The following PBX3 variants were observed in gnomAD, a reference collection of about 807,000 sequenced individuals.
PBX3 encodes pre-B-cell leukemia transcription factor 3.
A neutral mutation model predicts 48.5 loss-of-function variants in PBX3; 14 were observed. The observed-to-expected ratio is 0.29, with a 90% CI of 0.19 to 0.45. PBX3 has a LOEUF of 0.45. Ranked by LOEUF, PBX3 falls within the 20% of genes least tolerant of loss-of-function variation. The probability of loss-of-function intolerance (pLI) is 1.00; values close to 1 mark genes in which losing one functional copy is unlikely to be tolerated. For missense variants in PBX3, 386 were observed against 546.7 expected, an observed-to-expected ratio of 0.71 and a Z score of 2.93; for synonymous variants, 210 against 200.3, an observed-to-expected ratio of 1.05 and a Z score of -0.41.
At chr9:125,915,539 G>A (rs1031399462) in intron 2 of PBX3, 147 bp from the exon 3 acceptor site, 6 of 620,450 alleles carry the variant, frequency 9.7e-6, no homozygotes, top group South Asian at 4.3e-5. Context: ...CAAACTTACC[G>A]ATCAAATGTG....
At chr9:125,796,374 G>T (rs1837779158) in intron 2 of PBX3, among the ~76,000 whole-genome samples, 1 of 152,142 alleles carries the variant, frequency 6.6e-6, no homozygotes, top group South Asian at 2.1e-4. Context: ...TACTACCTCA[G>T]GGGTAGTGCA....
intron 2 of PBX3, among the ~76,000 whole-genome samples, chr9:125,807,348 A>AG (rs1491089702): frequency 6.9e-6 from 1 of 145,396 alleles, no homozygotes; most frequent in Admixed American, 7.0e-5. Flanking sequence ...AAAAAAAAAA[A>AG]GAAAATATTA....
intron 2 of PBX3, among the ~76,000 whole-genome samples, chr9:125,909,537 A>G (rs964453657): frequency 2.6e-5 from 4 of 152,276 alleles, no homozygotes; most frequent in Middle Eastern, 6.8e-3. Flanking sequence ...AAAGTATTCT[A>G]CTATTTCTGG....
chr9:125,830,693 A>G (rs1462443193), intron 2 of PBX3, among the ~76,000 whole-genome samples: 7 of 152,156 alleles, frequency 4.6e-5, no homozygotes, highest in Non-Finnish European at 8.8e-5. Context: ...CATTTTGTCT[A>G]TTATCTCATT....
At chr9:125,764,297 CAG>C (rs766315361) in intron 2 of PBX3, among the ~76,000 whole-genome samples, 1 of 152,208 alleles carries the variant, frequency 6.6e-6, no homozygotes. Context: ...CCTGAAATAA[CAG>C]AACTGTACTT....
chr9:125,803,120 G>C (rs1387170618), intron 2 of PBX3, among the ~76,000 whole-genome samples: 2 of 129,290 alleles, frequency 1.5e-5, no homozygotes. Flanking sequence ...TTGAGTCAGA[G>C]TCTCGCTGTG....
intron 2 of PBX3, 137 bp downstream of exon 2, chr9:125,748,760 C>T: frequency 1.7e-6 from 1 of 600,246 alleles, no homozygotes; most frequent in South Asian, 2.0e-5. Context: ...ACGTCCTGAT[C>T]TTGAGAAAAA....
intron 2 of PBX3, among the ~76,000 whole-genome samples, chr9:125,871,337 C>T (rs960624460): frequency 2.0e-5 from 3 of 149,292 alleles, no homozygotes; most frequent in African/African-American, 2.5e-5. Context: ...GCTGAAATTG[C>T]GCCACTGCAC....
At chr9:125,803,276 CG>C (rs1838023106) in intron 2 of PBX3, among the ~76,000 whole-genome samples, 1 of 151,312 alleles carries the variant, frequency 6.6e-6, no homozygotes, top group South Asian at 2.1e-4. Context: ...TTAGTAGAGA[CG>C]GGGTTTCATC....
At chr9:125,841,677 C>G (rs951899712) in intron 2 of PBX3, among the ~76,000 whole-genome samples, 4 of 152,122 alleles carry the variant, frequency 2.6e-5, no homozygotes, top group African/African-American at 9.7e-5. Flanking sequence ...TGCAATGCCT[C>G]TAGTACATAG....
In PBX3 at chr9:125,967,053, A is replaced by G. The variant is rs998120063; in HGVS notation, c.*1130A>G. ...AAAACTGTTGTAAATACTGAGAAACATTTTGAATGTTCTTCATCTTATTAC... is the reference window on the plus strand; with the variant it reads ...AAAACTGTTGTAAATACTGAGAAACGTTTTGAATGTTCTTCATCTTATTAC... On this transcript the variant is annotated 3_prime_UTR_variant, in exon 9 of 9. Transcript: ENST00000373489. The G allele has an allele frequency of 2.6e-4, 39 of 151,350 alleles. No individual in the cohort carries two copies. The highest frequency in any genetic ancestry group is 9.3e-4 in the African/African-American group (38 of 40,938). 9.4% of individuals were successfully genotyped at this position (151,350 alleles called of 1,614,324 possible). A position where few individuals can be genotyped will look rare whatever the true frequency, so the allele number is the denominator to read the frequency against.
chr9:125,798,184 A>G (rs1390060673), intron 2 of PBX3, among the ~76,000 whole-genome samples: 6 of 152,160 alleles, frequency 3.9e-5, no homozygotes, highest in Non-Finnish European at 2.9e-5. Context: ...AGTTCACAGT[A>G]ATTCTCAGAT....
intron 2 of PBX3, among the ~76,000 whole-genome samples, chr9:125,814,171 A>G: frequency 6.8e-6 from 1 of 147,212 alleles, no homozygotes; most frequent in South Asian, 2.2e-4. Flanking sequence ...TCAAAAAAAA[A>G]AAAAAAAAGT....
At chr9:125,815,183 G>T (rs935958947) in intron 2 of PBX3, among the ~76,000 whole-genome samples, 1 of 152,068 alleles carries the variant, frequency 6.6e-6, no homozygotes, top group African/African-American at 2.4e-5. Context: ...ATTTTGAAAA[G>T]AATATTTTTC....
intron 2 of PBX3, among the ~76,000 whole-genome samples, chr9:125,755,308 A>G (rs1382809476): frequency 6.6e-6 from 1 of 152,210 alleles, no homozygotes; most frequent in East Asian, 1.9e-4. Context: ...TATAGAAATT[A>G]TCTGCAACAG....
At chr9:125,794,904 C>G (rs1434140511) in intron 2 of PBX3, among the ~76,000 whole-genome samples, 1 of 152,110 alleles carries the variant, frequency 6.6e-6, no homozygotes, top group Non-Finnish European at 1.5e-5. Flanking sequence ...TTAGCCTGTT[C>G]CTAATGTTTG....
chr9:125,868,411 T>C (rs1173138979), intron 2 of PBX3, among the ~76,000 whole-genome samples: 1 of 152,206 alleles, frequency 6.6e-6, no homozygotes, highest in African/African-American at 2.4e-5. Flanking sequence ...TCACCTGGCA[T>C]AGAACACTTA....
In PBX3 at chr9:125,899,279, GTA is replaced by G. The variant is rs1358400027; in HGVS notation, c.275-16399_275-16398del. Among the ~76,000 whole-genome samples the G allele has an allele frequency of 2.1e-3, 64 of 29,978 alleles. 1 individual carries two copies. Among genetic ancestry groups the G allele is most frequent in the East Asian group, 0.016 (10 of 638 alleles). 19.7% of individuals were successfully genotyped at this position (29,978 alleles called of 152,430 possible). A position where few individuals can be genotyped will look rare whatever the true frequency, so the allele number is the denominator to read the frequency against. On this transcript the variant is annotated intron_variant, in intron 2 of 8. Transcript: ENST00000373489. Reference sequence around the variant, plus strand: ...TATATTTATATATAAATATACATATGTATATATATTTATATATAAATATACAT... The same window carrying G: ...TATATTTATATATAAATATACATATGTATATATTTATATATAAATATACAT...
chr9:125,784,112 T>C (rs186936408), intron 2 of PBX3, among the ~76,000 whole-genome samples: 1 of 152,346 alleles, frequency 6.6e-6, no homozygotes, highest in East Asian at 1.9e-4. Flanking sequence ...TTTTTGTTTC[T>C]TGATGGGTTT....
Sources: allele counts gnomAD v4.1 joint callset (sites outside exome capture counted in the v4.1 genomes callset), GRCh38; gene constraint gnomAD v4.1.1; transcripts MANE v1.5; gene names NCBI Gene and HGNC (gene_info 2026-07-23, HGNC 2026-07-21).